The following SLC4A9 variants were observed in gnomAD, a reference collection of about 807,000 sequenced individuals.
SLC4A9 encodes anion exchange protein 4.
A neutral mutation model predicts 103.2 loss-of-function variants in SLC4A9; 102 were observed. The ratio of observed to expected loss-of-function variants is 0.99; its 90% CI spans 0.84 to 1.17. SLC4A9 has a LOEUF of 1.17. SLC4A9 is among the 50% of genes most tolerant of loss of function. The probability of loss-of-function intolerance (pLI) is 0.00; values close to 1 mark genes in which losing one functional copy is unlikely to be tolerated. For synonymous variants in SLC4A9, 453 were observed against 483.6 expected (o/e 0.94, Z 0.83); for missense variants, 1,091 against 1,193.7 (o/e 0.91, Z 1.27).
In SLC4A9 at chr5:140,367,890, G is replaced by A; in HGVS notation, c.2346G>A (p.Leu782=). 6.2e-7 allele frequency: 1 copy of A among 1,613,786 alleles called. No homozygotes were observed. Among genetic ancestry groups the A allele is most frequent in the Non-Finnish European group, 8.5e-7 (1 of 1,179,822 alleles). Residue 782 remains leucine, a synonymous_variant, in exon 16 of 22, where the codon CTG becomes CTA. Transcript: ENST00000506757. The part of the protein sequence containing the change: ...ACAPGERPNF[L]GIREQRLTGL... ...CCCCCGGGGAGCGCCCCAACTTCCT[G>A]GGTATCAGGTGAGGGCGGTATTTAG...
At chr5:140,374,295 C>T (rs1769165972) in intron 21 of SLC4A9, among the ~76,000 whole-genome samples, 1 of 148,346 alleles carries the variant, frequency 6.7e-6, no homozygotes. Flanking sequence ...CACGGTGGCT[C>T]ACGCCTGTAA....
chr5:140,369,088 T>G (rs1768323996), intron 17 of SLC4A9, among the ~76,000 whole-genome samples: 1 of 151,790 alleles, frequency 6.6e-6, no homozygotes, highest in Non-Finnish European at 1.5e-5. Context: ...TTTGGGAGGC[T>G]GAGGTGGGAG....
chr5:140,368,535 G>T (rs1768232873), intron 16 of SLC4A9, 52 bp from the exon 17 acceptor site: 4 of 1,520,492 alleles, frequency 2.6e-6, no homozygotes, highest in Non-Finnish European at 3.6e-6. Flanking sequence ...CTCCAGTCTG[G>T]ATACCCCAGG....
intron 3 of SLC4A9, 67 bp downstream of exon 3, chr5:140,361,434 C>A: frequency 2.3e-6 from 3 of 1,295,910 alleles, no homozygotes; most frequent in Non-Finnish European, 2.2e-6. Context: ...CTCCCCTGCA[C>A]CTTCCAGGGC....
At chr5:140,370,970 G>GA in intron 17 of SLC4A9, 125 bp from the exon 18 acceptor site, 1 of 712,554 alleles carries the variant, frequency 1.4e-6, no homozygotes, top group Non-Finnish European at 2.4e-6. Flanking sequence ...CATGTGAAAG[G>GA]AAAGGCAAGG....
In SLC4A9 at chr5:140,363,108, A is replaced by T. The variant is rs748575752; in HGVS notation, c.962+42A>T. 18 of 1,596,848 alleles carry T rather than the reference A, an allele frequency of 1.1e-5. No homozygotes were observed. The African/African-American group carries it at 2.2e-4, about 19-fold the overall frequency. ...ATCCCATACAGATTCCTGCCCATAT[A>T]GGCCCTGGGTCTAATTCCATTGTTG... On this transcript the variant is annotated intron_variant, in intron 7 of 21. Coordinates refer to ENST00000506757, the MANE Select transcript of SLC4A9 (RefSeq NM_031467.3). The surrounding 1 kb of genome is among the most constrained non-coding windows in gnomAD (Gnocchi z 4.5).
chr5:140,367,470 C>T lies in SLC4A9; in HGVS notation c.2064C>T (p.Pro688=). The T allele has an allele frequency of 6.2e-7, 1 of 1,609,394 alleles. No individual in the cohort carries two copies. ...TGGTGTCACCTTTTGGAGCCAACCC[C>T]TGGTGGTGGAGTGTGGCAGCTGCCC... ...GWLVSPFGAN[P]WWWSVAAALP... Residue 688 remains proline (P), a synonymous_variant, in exon 15 of 22, where the codon CCC becomes CCT. Transcript: ENST00000506757.
chr5:140,373,792 A>G lies in SLC4A9; in HGVS notation c.*45+949A>G, dbSNP rs151017540. On this transcript the variant is annotated intron_variant, in intron 21 of 21. Coordinates refer to ENST00000506757, the MANE Select transcript of SLC4A9 (RefSeq NM_031467.3). ...CAACATAGTGAGATCCTGTCTCTAA[A>G]AAAATTTTTTTTAAAAGGAGCAAGC... Among the ~76,000 whole-genome samples, 415 of 152,068 alleles carry G rather than the reference A, an allele frequency of 2.7e-3. 3 individuals are homozygous for G. Among genetic ancestry groups the G allele is most frequent in the African/African-American group, 9.4e-3 (389 of 41,484 alleles).
chr5:140,361,160 C>T, intron 2 of SLC4A9, 94 bp from the exon 3 acceptor site: 3 of 1,288,178 alleles, frequency 2.3e-6, no homozygotes, highest in East Asian at 2.5e-5. Flanking sequence ...TTCTGAGACT[C>T]CCAGAAGGGA....
Position 140,363,384 on chromosome 5 carries a change from G to T in SLC4A9, c.963-55G>T. ...GGCAGGGCGCCACGAGCTCTGGACCGAGTCGCAGACTGGTTGGAGATCCTC... is the reference window on the plus strand; with the variant it reads ...GGCAGGGCGCCACGAGCTCTGGACCTAGTCGCAGACTGGTTGGAGATCCTC... On this transcript the variant is annotated intron_variant, in intron 7 of 21. Transcript: ENST00000506757. This position sits in a 1 kb window ranked among gnomAD's most constrained non-coding sequence, Gnocchi z 4.5. 1 of 1,481,970 alleles carries T rather than the reference G, an allele frequency of 6.7e-7. No homozygotes were observed. The highest frequency in any genetic ancestry group is 9.2e-7 in the Non-Finnish European group (1 of 1,086,764). 91.8% of individuals were successfully genotyped at this position (1,481,970 alleles called of 1,614,324 possible).
Position 140,364,050 on chromosome 5 carries a change from C to G in SLC4A9, c.1255-4C>G. On this transcript the variant is annotated splice_polypyrimidine_tract_variant and splice_region_variant and intron_variant, in intron 9 of 21. Transcript: ENST00000506757. ...TCCTGTGCTGAGCCCCTGTTGGCTT[C>G]CAGGGAGTGCTGGAAAGTTTCCTGG... The G allele has an allele frequency of 6.5e-7, 1 of 1,531,858 alleles. No individual in the cohort carries two copies. Among genetic ancestry groups the G allele is most frequent in the Non-Finnish European group, 8.8e-7 (1 of 1,141,580 alleles). The allele number at this position is 1,531,858 out of a possible 1,614,324, so 94.9% of individuals were successfully genotyped here. A position where few individuals can be genotyped will look rare whatever the true frequency, so the allele number is the denominator to read the frequency against.
intron 13 of SLC4A9, 23 bp from the exon 14 acceptor site, chr5:140,366,127 GA>G: frequency 1.9e-6 from 3 of 1,610,994 alleles, no homozygotes; most frequent in Non-Finnish European, 2.5e-6. Context: ...GCCTGGACCT[GA>G]CTGAGTGTCC....
intron 17 of SLC4A9, among the ~76,000 whole-genome samples, chr5:140,370,123 C>A (rs1257376964): frequency 2.0e-5 from 3 of 152,124 alleles, no homozygotes; most frequent in Non-Finnish European, 1.5e-5. Flanking sequence ...CAAAAGAAAT[C>A]ATTTTTCTAA....
At chr5:140,373,535 A>T (rs1364358031) in intron 21 of SLC4A9, among the ~76,000 whole-genome samples, 2 of 152,070 alleles carry the variant, frequency 1.3e-5, no homozygotes, top group Non-Finnish European at 2.9e-5. Flanking sequence ...AGAGTTGGTG[A>T]AGGTGGGGTG....
chr5:140,373,112 G>T (rs182149685), intron 21 of SLC4A9, among the ~76,000 whole-genome samples: 2 of 152,272 alleles, frequency 1.3e-5, no homozygotes, highest in African/African-American at 4.8e-5. Context: ...TGGGTGTTGT[G>T]GGGGGCGGTG....
chr5:140,372,357 T>G lies in SLC4A9; in HGVS notation c.2786T>G (p.Leu929Arg). ...EEERSIPEKG[L>R]EPEHSFSGSD... ...GAGAGAAGCATCCCTGAGAAGGGGCTGGAGCCAGAACACTCATTCAGTGGA... is the reference window on the plus strand; with the variant it reads ...GAGAGAAGCATCCCTGAGAAGGGGCGGGAGCCAGAACACTCATTCAGTGGA... The change falls in exon 20 of 22, where the codon CTG becomes CGG. Residue 929 changes from leucine (L) to arginine (R), a missense_variant. By Grantham distance (102) the Leu-to-Arg change is moderately radical. Coordinates refer to ENST00000506757, the MANE Select transcript of SLC4A9 (RefSeq NM_031467.3). 1 of 1,610,282 alleles carries G rather than the reference T, an allele frequency of 6.2e-7. No individual in the cohort carries two copies. Among genetic ancestry groups the G allele is most frequent in the Non-Finnish European group, 8.5e-7 (1 of 1,178,968 alleles).
In SLC4A9 at chr5:140,370,095, TG is replaced by T. The variant is rs201425103; in HGVS notation, c.2428-996del. 4.4e-4 allele frequency among the ~76,000 whole-genome samples: 67 copies of T among 152,286 alleles called. 3 individuals carry two copies. The East Asian group carries it at 0.013, about 29-fold the overall frequency. ...ACATGCCACGCACTGTTCTAGGTACTGGGGATATAATGGTGCTCAAAAGAAA... is the reference window on the plus strand; with the variant it reads ...ACATGCCACGCACTGTTCTAGGTACTGGGATATAATGGTGCTCAAAAGAAA... On this transcript the variant is annotated intron_variant, in intron 17 of 21. Transcript: ENST00000506757.
chr5:140,369,874 C>T (rs1421533988), intron 17 of SLC4A9, among the ~76,000 whole-genome samples: 1 of 151,700 alleles, frequency 6.6e-6, no homozygotes, highest in Non-Finnish European at 1.5e-5. Context: ...TGGTTGTGTG[C>T]ACCTGTAGTC....
rs1581128220 is a variant in SLC4A9, at chr5:140,361,070, C to A, written c.391+98C>A. 7.7e-6 allele frequency: 10 copies of A among 1,298,446 alleles called. No individual in the cohort carries two copies. The South Asian group carries it at 1.3e-4, about 17-fold the overall frequency. The allele number at this position is 1,298,446 out of a possible 1,614,324, so 80.4% of individuals were successfully genotyped here. A position where few individuals can be genotyped will look rare whatever the true frequency, so the allele number is the denominator to read the frequency against. ...TGAAATCTTCCAGAGCCCATCCCTA[C>A]CCCTCCTAGGATTGTCTACCCTTGT... is the stretch of plus-strand genomic sequence containing the variant. On this transcript the variant is annotated intron_variant, in intron 2 of 21. Coordinates refer to ENST00000506757, the MANE Select transcript of SLC4A9 (RefSeq NM_031467.3).
Sources: allele counts gnomAD v4.1 joint callset (sites outside exome capture counted in the v4.1 genomes callset), GRCh38; gene constraint gnomAD v4.1.1; non-coding constraint Gnocchi (gnomAD v3.1); transcripts MANE v1.5; gene names NCBI Gene and HGNC (gene_info 2026-07-23, HGNC 2026-07-21).